Variants in CD4 observed in about 807,000 individuals in gnomAD.
CD4 encodes the protein T-cell surface glycoprotein CD4.
Under a neutral mutation model 50.5 loss-of-function variants are expected in CD4, and 25 were observed. The ratio of observed to expected loss-of-function variants is 0.49; its 90% CI spans 0.36 to 0.69. The LOEUF is 0.69. Ranked by LOEUF, CD4 falls within the 30% of genes least tolerant of loss-of-function variation. CD4 has a pLI of 0.00. For missense variants in CD4, 456 were observed against 548.5 expected, an observed-to-expected ratio of 0.83 and a Z score of 1.68; for synonymous variants, 207 against 221.9, an observed-to-expected ratio of 0.93 and a Z score of 0.60.
intron 3 of CD4, among the ~76,000 whole-genome samples, chr12:6,804,771 CTT>C (rs1942674336): frequency 6.6e-6 from 1 of 152,034 alleles, no homozygotes; most frequent in Non-Finnish European, 1.5e-5. Flanking sequence ...AACCCCAACA[CTT>C]TGGGAGGCTG....
intron 1 of CD4, among the ~76,000 whole-genome samples, chr12:6,796,443 C>A (rs1403916719): frequency 6.6e-6 from 1 of 152,166 alleles, no homozygotes; most frequent in East Asian, 1.9e-4. Context: ...CATGGTGACA[C>A]CTTCCCCAGG....
At chr12:6,803,771 T>A (rs1409699591) in intron 3 of CD4, among the ~76,000 whole-genome samples, 1 of 132,662 alleles carries the variant, frequency 7.5e-6, no homozygotes. Context: ...AGTGACAGAG[T>A]GAGACTCCAT....
At chr12:6,793,851 T>C (rs1463185641) in intron 1 of CD4, among the ~76,000 whole-genome samples, 1 of 151,666 alleles carries the variant, frequency 6.6e-6, no homozygotes, top group African/African-American at 2.4e-5. Flanking sequence ...GGGGGTTTCA[T>C]GATGTTGGCC....
Position 6,818,470 on chromosome 12 carries a change from G to A in CD4, c.1206G>A (p.Leu402=). Residue 402 remains leucine (L), a synonymous_variant, in exon 8 of 10, where the codon CTG becomes CTA. Coordinates refer to ENST00000011653, the MANE Select transcript of CD4 (RefSeq NM_000616.5). This position sits in a 1 kb window ranked among gnomAD's most constrained non-coding sequence, Gnocchi z 5.0. ...TPVQPMALIV[L]GGVAGLLLFI... ...TGCAGCCAATGGCCCTGATTGTGCTGGGGGGCGTCGCCGGCCTCCTGCTTT... is the reference window on the plus strand; with the variant it reads ...TGCAGCCAATGGCCCTGATTGTGCTAGGGGGCGTCGCCGGCCTCCTGCTTT... The A allele has an allele frequency of 6.2e-7, 1 of 1,612,672 alleles. No individual in the cohort carries two copies. The highest frequency in any genetic ancestry group is 1.3e-5 in the African/African-American group (1 of 75,046).
In CD4 at chr12:6,820,438, G is replaced by A. The variant is rs1943238132; in HGVS notation, c.*1109G>A. On this transcript the variant is annotated 3_prime_UTR_variant, in exon 10 of 10. Transcript: ENST00000011653. ...ACCTCCTGGAAGCGAGCTTTGCTGG[G>A]AGAGGGGGTAGCTAGCCTGAGAGGG... The A allele has an allele frequency of 6.6e-6, 1 of 152,318 alleles. No individual in the cohort carries two copies. The highest frequency in any genetic ancestry group is 6.5e-5 in the Admixed American group (1 of 15,284). 9.4% of individuals were successfully genotyped at this position (152,318 alleles called of 1,614,324 possible). A position where few individuals can be genotyped will look rare whatever the true frequency, so the allele number is the denominator to read the frequency against.
Position 6,818,792 on chromosome 12 carries a change from A to T in CD4, c.1279-55A>T, listed in dbSNP as rs1555118530. The T allele has an allele frequency of 1.4e-5, 21 of 1,491,174 alleles. No individual in the cohort carries two copies. Among genetic ancestry groups the T allele is most frequent in the Non-Finnish European group, 2.0e-5 (21 of 1,068,562 alleles). 92.4% of individuals were successfully genotyped at this position (1,491,174 alleles called of 1,614,324 possible). On this transcript the variant is annotated intron_variant, in intron 8 of 9. Transcript: ENST00000011653. This position sits in a 1 kb window ranked among gnomAD's most constrained non-coding sequence, Gnocchi z 5.0. Reference sequence around the variant, plus strand: ...TCCCCCACTCCCCCCACCAAGGGGCACCTCCCTTCTGGAGGCCTGGGACCC... The same window carrying T: ...TCCCCCACTCCCCCCACCAAGGGGCTCCTCCCTTCTGGAGGCCTGGGACCC...
At position 6,800,373 on chromosome 12, in the gene CD4, T is replaced by C. The variant is rs782647911; in HGVS notation, c.116T>C (p.Leu39Pro). The C allele has an allele frequency of 6.2e-7, 1 of 1,614,002 alleles. No individual in the cohort carries two copies. The highest frequency in any genetic ancestry group is 8.5e-7 in the Non-Finnish European group (1 of 1,179,934). ...GGCAAAAAAGGGGATACAGTGGAAC[T>C]GACCTGTACAGCTTCCCAGAAGAAG... ...VLGKKGDTVE[L>P]TCTASQKKSI... The change falls in exon 3 of 10, where the codon CTG becomes CCG. Residue 39 changes from leucine (L) to proline (P), a missense_variant. Transcript: ENST00000011653.
In CD4 at chr12:6,813,367, T is replaced by A. The variant is rs781812150; in HGVS notation, c.215-775T>A. 5.9e-5 allele frequency among the ~76,000 whole-genome samples: 9 copies of A among 152,192 alleles called. No homozygotes were observed. In the South Asian group the frequency reaches 1.5e-3, roughly 25 times the overall value. On this transcript the variant is annotated intron_variant, in intron 3 of 9. Coordinates refer to ENST00000011653, the MANE Select transcript of CD4 (RefSeq NM_000616.5). ...CCATGCCTGGCCTCATTTTCTTTTT[T>A]AATTTTTTTTTAGACATTATAGCTC...
intron 1 of CD4, chr12:6,799,163 A>G (rs1395294446): frequency 6.6e-6 from 1 of 152,246 alleles, no homozygotes; most frequent in Non-Finnish European, 1.5e-5. Context: ...TGGTGCCGCA[A>G]ACAAAAAATT....
chr12:6,817,742 C>T (rs1321182699), intron 7 of CD4, among the ~76,000 whole-genome samples: 3 of 140,712 alleles, frequency 2.1e-5, no homozygotes, highest in East Asian at 2.1e-4. Flanking sequence ...CTCACACACT[C>T]GCACACACTC....
chr12:6,816,444 T>G lies in CD4; in HGVS notation c.955+41T>G. 6.6e-7 allele frequency: 1 copy of G among 1,511,476 alleles called. No homozygotes were observed. The highest frequency in any genetic ancestry group is 9.0e-7 in the Non-Finnish European group (1 of 1,110,332). The allele number at this position is 1,511,476 out of a possible 1,614,324, so 93.6% of individuals were successfully genotyped here. A position where few individuals can be genotyped will look rare whatever the true frequency, so the allele number is the denominator to read the frequency against. On this transcript the variant is annotated intron_variant, in intron 6 of 9. Coordinates refer to ENST00000011653, the MANE Select transcript of CD4 (RefSeq NM_000616.5). The surrounding 1 kb of genome is among the most constrained non-coding windows in gnomAD (Gnocchi z 4.9). ...AGGGAGGGGTGGGCAGGGGAAGGAGTTGGAGGGGCCTGGCCCAGGGCTCCC... is the reference window on the plus strand; with the variant it reads ...AGGGAGGGGTGGGCAGGGGAAGGAGGTGGAGGGGCCTGGCCCAGGGCTCCC...
chr12:6,811,269 G>A (rs1370467153), intron 3 of CD4, among the ~76,000 whole-genome samples: 1 of 152,074 alleles, frequency 6.6e-6, no homozygotes, highest in Non-Finnish European at 1.5e-5. Flanking sequence ...AGCTTCTAAA[G>A]CCCTGTTCTA....
chr12:6,817,756 CACACACT>C (rs1463904751), intron 7 of CD4, among the ~76,000 whole-genome samples: 19 of 114,848 alleles, frequency 1.7e-4, no homozygotes, highest in African/African-American at 1.1e-3. Flanking sequence ...CACACTCATA[CACACACT>C]ACACACACAT....
intron 3 of CD4, 29 bp from the exon 4 acceptor site, chr12:6,814,113 G>C: frequency 6.2e-7 from 1 of 1,605,372 alleles, no homozygotes; most frequent in South Asian, 1.1e-5. Flanking sequence ...GGGCGCCTCA[G>C]TCCCCCCCCA....
chr12:6,805,688 G>C (rs1175706607), intron 3 of CD4, among the ~76,000 whole-genome samples: 3 of 152,094 alleles, frequency 2.0e-5, no homozygotes, highest in Non-Finnish European at 4.4e-5. Context: ...TTGATGGATT[G>C]GAAGACTCAA....
chr12:6,794,088 T>TG (rs200170197), intron 1 of CD4, among the ~76,000 whole-genome samples: 644 of 151,982 alleles, frequency 4.2e-3, no homozygotes, highest in African/African-American at 0.015. Context: ...TCTTTTTTTT[T>TG]TTTTGAGACA....
chr12:6,814,559 A>G, intron 4 of CD4, 200 bp from the exon 5 acceptor site: 7 of 676,452 alleles, frequency 1.0e-5, no homozygotes, highest in South Asian at 1.0e-4. Context: ...ACTGGGGAAG[A>G]GAGGATGAGG....
chr12:6,818,565 C>A lies in CD4; in HGVS notation c.1278+23C>A. Reference sequence around the variant, plus strand: ...AGGGTGAGTAACCCCACACCTGGTCCCCACAAGGCCCTCAAACCCCTGAGT... The same window carrying A: ...AGGGTGAGTAACCCCACACCTGGTCACCACAAGGCCCTCAAACCCCTGAGT... On this transcript the variant is annotated intron_variant, in intron 8 of 9. Transcript: ENST00000011653. The surrounding 1 kb of genome is among the most constrained non-coding windows in gnomAD (Gnocchi z 5.0). 6.2e-7 allele frequency: 1 copy of A among 1,611,802 alleles called. No individual in the cohort carries two copies. Among genetic ancestry groups the A allele is most frequent in the Non-Finnish European group, 8.5e-7 (1 of 1,179,920 alleles).
intron 7 of CD4, among the ~76,000 whole-genome samples, chr12:6,817,868 T>TGC (rs1269208603): frequency 6.8e-6 from 1 of 147,062 alleles, no homozygotes; most frequent in Non-Finnish European, 1.5e-5. Flanking sequence ...CACACATGCA[T>TGC]GCACACACAC....
Sources: gnomAD v4.1 joint callset for allele counts (sites outside exome capture counted in the v4.1 genomes callset) on GRCh38, gnomAD v4.1.1 for gene constraint, Gnocchi (gnomAD v3.1) non-coding constraint, MANE v1.5 for transcripts, NCBI Gene and HGNC (gene_info 2026-07-23, HGNC 2026-07-21) for gene names.